RGS17: variants seen among roughly 807,000 people sequenced by gnomAD.
The protein encoded by RGS17 is regulator of G protein signaling 17.
A neutral mutation model predicts 25.5 loss-of-function variants in RGS17; 12 were observed. That is an observed-to-expected ratio of 0.47 (90% CI 0.30 to 0.76). RGS17 has a LOEUF of 0.76. Among genes scored for constraint, RGS17 ranks in the 30% least tolerant of loss-of-function variants. The pLI is 0.07. For synonymous variants in RGS17, 71 were observed against 76.9 expected, an observed-to-expected ratio of 0.92 and a Z score of 0.40; for missense variants, 196 against 242.2, an observed-to-expected ratio of 0.81 and a Z score of 1.27.
At chr6:153,117,344 TG>T (rs1777560189) in intron 1 of RGS17, among the ~76,000 whole-genome samples, 2 of 152,170 alleles carry the variant, frequency 1.3e-5, no homozygotes, top group South Asian at 4.1e-4. Context: ...ACCGCCCCCA[TG>T]ATCCAATCAG....
At chr6:153,086,427 G>C (rs1777054127) in intron 1 of RGS17, among the ~76,000 whole-genome samples, 1 of 152,166 alleles carries the variant, frequency 6.6e-6, no homozygotes, top group South Asian at 2.1e-4. Flanking sequence ...ATGCTGAAAA[G>C]AAACTGTGAA....
chr6:153,117,188 T>C (rs978385322), intron 1 of RGS17, among the ~76,000 whole-genome samples: 6 of 152,116 alleles, frequency 3.9e-5, no homozygotes, highest in African/African-American at 1.4e-4. Context: ...CTTACAATCA[T>C]GGCGGAAGGT....
chr6:153,052,578 C>T (rs1776476245), intron 1 of RGS17, among the ~76,000 whole-genome samples: 1 of 151,568 alleles, frequency 6.6e-6, no homozygotes. Context: ...GAGAGGAGTT[C>T]TGTCTCTGAA....
chr6:153,043,153 T>C (rs1042554161), intron 2 of RGS17, among the ~76,000 whole-genome samples: 1 of 152,210 alleles, frequency 6.6e-6, no homozygotes, highest in African/African-American at 2.4e-5. Flanking sequence ...AGATGGCACC[T>C]TGGGAATTAG....
At chr6:153,090,436 C>T (rs1214965175) in intron 1 of RGS17, among the ~76,000 whole-genome samples, 1 of 146,968 alleles carries the variant, frequency 6.8e-6, no homozygotes, top group East Asian at 2.0e-4. Flanking sequence ...AATAGTGAAA[C>T]CTCATCTCTA....
At chr6:153,034,288 C>T (rs1207334776) in intron 2 of RGS17, among the ~76,000 whole-genome samples, 1 of 152,166 alleles carries the variant, frequency 6.6e-6, no homozygotes, top group Non-Finnish European at 1.5e-5. Flanking sequence ...TTACAACACT[C>T]TGGGAATCCT....
chr6:153,053,030 C>CT (rs61104729), intron 1 of RGS17, among the ~76,000 whole-genome samples: 58,528 of 151,976 alleles, frequency 0.39, 11,963 homozygotes, highest in East Asian at 0.62. Flanking sequence ...TGATCTCAGA[C>CT]TTCAACTTTC....
intron 1 of RGS17, among the ~76,000 whole-genome samples, chr6:153,071,995 C>G (rs1776811188): frequency 6.6e-6 from 1 of 152,100 alleles, no homozygotes; most frequent in South Asian, 2.1e-4. Context: ...GCACTGGGCA[C>G]ATAGTGAGCT....
At chr6:153,013,086 C>T (rs946872718) in intron 4 of RGS17, among the ~76,000 whole-genome samples, 2 of 152,198 alleles carry the variant, frequency 1.3e-5, no homozygotes, top group African/African-American at 4.8e-5. Flanking sequence ...TTCGCAGATA[C>T]TGCGTTTGTT....
At chr6:153,109,552 CT>C (rs1377896160) in intron 1 of RGS17, among the ~76,000 whole-genome samples, 4 of 152,206 alleles carry the variant, frequency 2.6e-5, no homozygotes, top group Admixed American at 2.6e-4. Flanking sequence ...ATCAAACCTC[CT>C]CTTTCAGCAT....
At chr6:153,051,426 G>A (rs1311264615) in intron 1 of RGS17, among the ~76,000 whole-genome samples, 3 of 152,124 alleles carry the variant, frequency 2.0e-5, no homozygotes, top group South Asian at 4.1e-4. Context: ...GATAGTAAAG[G>A]CCATTTTGAT....
chr6:153,112,895 C>T (rs772170950), intron 1 of RGS17, among the ~76,000 whole-genome samples: 51 of 152,150 alleles, frequency 3.4e-4, no homozygotes, highest in Admixed American at 5.2e-4. Flanking sequence ...CACCACCAGA[C>T]CTGCCTTACA....
At chr6:153,045,940 A>C (rs956638144) in intron 1 of RGS17, among the ~76,000 whole-genome samples, 3 of 152,216 alleles carry the variant, frequency 2.0e-5, no homozygotes, top group African/African-American at 7.2e-5. Context: ...GAATCAACCA[A>C]GGTGTCCAAA....
chr6:153,087,375 A>C (rs1777065375), intron 1 of RGS17, among the ~76,000 whole-genome samples: 1 of 152,226 alleles, frequency 6.6e-6, no homozygotes. Context: ...CCTAGGAATA[A>C]TGCTTAATGT....
intron 1 of RGS17, among the ~76,000 whole-genome samples, chr6:153,061,525 C>T (rs1348627505): frequency 6.6e-6 from 1 of 151,988 alleles, no homozygotes; most frequent in African/African-American, 2.4e-5. Context: ...AAAAAATATG[C>T]AAAACAAAAA....
intron 1 of RGS17, among the ~76,000 whole-genome samples, chr6:153,089,943 G>C (rs1223553344): frequency 6.6e-6 from 1 of 152,132 alleles, no homozygotes; most frequent in African/African-American, 2.4e-5. Flanking sequence ...CCAGGCATCA[G>C]TGTCTAGTCC....
At chr6:153,015,178 A>G (rs1779170462) in intron 4 of RGS17, among the ~76,000 whole-genome samples, 1 of 152,238 alleles carries the variant, frequency 6.6e-6, no homozygotes, top group African/African-American at 2.4e-5. Flanking sequence ...TGGTTTCTTG[A>G]GATGGAATCT....
At chr6:153,020,105 A>ATT (rs1469690646) in intron 4 of RGS17, among the ~76,000 whole-genome samples, 7 of 23,378 alleles carry the variant, frequency 3.0e-4, no homozygotes, top group African/African-American at 1.0e-3. Flanking sequence ...TATCTTAAAA[A>ATT]AAAAAAATAT....
intron 1 of RGS17, among the ~76,000 whole-genome samples, chr6:153,117,366 G>A (rs549710574): frequency 6.6e-6 from 1 of 152,222 alleles, no homozygotes; most frequent in African/African-American, 2.4e-5. Flanking sequence ...CACCCACCAG[G>A]TCTCTCCCTA....
Sources: gnomAD v4.1 joint callset for allele counts (sites outside exome capture counted in the v4.1 genomes callset) on GRCh38, gnomAD v4.1.1 for gene constraint, MANE v1.5 for transcripts, NCBI Gene and HGNC (gene_info 2026-07-23, HGNC 2026-07-21) for gene names.